Variants in CLNK observed in about 807,000 individuals in gnomAD.
CLNK encodes cytokine-dependent hematopoietic cell linker.
In CLNK, 74 loss-of-function variants were observed where a neutral mutation model predicts 68.6. That is an observed-to-expected ratio of 1.08 (90% CI 0.89 to 1.31). CLNK has a LOEUF of 1.31. Among genes scored for constraint, CLNK ranks in the 50% most tolerant of loss-of-function variants. The probability of loss-of-function intolerance (pLI) is 0.00; values close to 1 mark genes in which losing one functional copy is unlikely to be tolerated. For synonymous variants in CLNK, 198 were observed against 172.2 expected (o/e 1.15, Z -1.17); for missense variants, 553 against 515.3 (o/e 1.07, Z -0.71).
At chr4:10,611,273 A>G (rs1269076254) in intron 2 of CLNK, among the ~76,000 whole-genome samples, 3 of 152,184 alleles carry the variant, frequency 2.0e-5, no homozygotes, top group African/African-American at 4.8e-5. Flanking sequence ...AGCCAAGATC[A>G]CAGTACTGCA....
At chr4:10,511,942 G>A (rs953714460) in intron 16 of CLNK, among the ~76,000 whole-genome samples, 1 of 152,186 alleles carries the variant, frequency 6.6e-6, no homozygotes, top group African/African-American at 2.4e-5. Context: ...AACCAGAGTA[G>A]TGATATAAAG....
chr4:10,679,744 C>T (rs1725018530), intron 1 of CLNK, among the ~76,000 whole-genome samples: 1 of 152,174 alleles, frequency 6.6e-6, no homozygotes, highest in Non-Finnish European at 1.5e-5. Context: ...GACATTTATG[C>T]AGCCAAAAAA....
chr4:10,648,949 C>T (rs1004660715), intron 2 of CLNK, among the ~76,000 whole-genome samples: 1 of 152,080 alleles, frequency 6.6e-6, no homozygotes, highest in Non-Finnish European at 1.5e-5. Flanking sequence ...TAGATTAGCC[C>T]TTGAATCCTT....
chr4:10,549,806 CCA>C (rs1281842332), intron 8 of CLNK, among the ~76,000 whole-genome samples: 1 of 152,226 alleles, frequency 6.6e-6, no homozygotes, highest in East Asian at 1.9e-4. Context: ...TTTCCCATCT[CCA>C]GTTTTCTCTT....
At chr4:10,569,167 A>G (rs1219138916) in intron 5 of CLNK, among the ~76,000 whole-genome samples, 2 of 148,788 alleles carry the variant, frequency 1.3e-5, no homozygotes, top group Non-Finnish European at 3.0e-5. Context: ...CTCCTCCCCA[A>G]GTGAATTGGC....
intron 17 of CLNK, among the ~76,000 whole-genome samples, chr4:10,504,762 A>G (rs1374694490): frequency 6.6e-6 from 1 of 152,240 alleles, no homozygotes; most frequent in Non-Finnish European, 1.5e-5. Flanking sequence ...CTCTGAAACG[A>G]TTTGTCAAAA....
chr4:10,589,046 C>A (rs1291524164), intron 3 of CLNK, among the ~76,000 whole-genome samples: 7 of 152,108 alleles, frequency 4.6e-5, no homozygotes, highest in African/African-American at 1.7e-4. Flanking sequence ...GGTACTATAT[C>A]ATATAATTGA....
chr4:10,639,771 T>C (rs1723236650), intron 2 of CLNK, among the ~76,000 whole-genome samples: 1 of 152,232 alleles, frequency 6.6e-6, no homozygotes, highest in South Asian at 2.1e-4. Flanking sequence ...ACAGTGCAGA[T>C]TTAGAACATT....
chr4:10,719,384 A>G, the CLNK span, among the ~76,000 whole-genome samples: 1 of 152,080 alleles, frequency 6.6e-6, no homozygotes, highest in African/African-American at 2.4e-5. Flanking sequence ...TAATTAATTT[A>G]CAAAGATTAA....
At chr4:10,603,881 C>A (rs533235396) in intron 2 of CLNK, among the ~76,000 whole-genome samples, 1 of 152,270 alleles carries the variant, frequency 6.6e-6, no homozygotes, top group South Asian at 2.1e-4. Flanking sequence ...GATTCTGACT[C>A]TTTTATTTAG....
chr4:10,513,366 G>T, intron 16 of CLNK, 98 bp downstream of exon 16: 1 of 1,173,200 alleles, frequency 8.5e-7, no homozygotes, highest in Non-Finnish European at 1.2e-6. Flanking sequence ...AAAAGTTAAA[G>T]TCAAACATAA....
chr4:10,642,329 T>A (rs530629687), intron 2 of CLNK, among the ~76,000 whole-genome samples: 1 of 152,290 alleles, frequency 6.6e-6, no homozygotes, highest in East Asian at 1.9e-4. Context: ...AGGGAGCTTC[T>A]GATTGAAAGG....
intron 2 of CLNK, among the ~76,000 whole-genome samples, chr4:10,632,065 T>C (rs1359408791): frequency 6.6e-6 from 1 of 152,244 alleles, no homozygotes; most frequent in Admixed American, 6.5e-5. Flanking sequence ...TATCTCTAAT[T>C]GGATGACTGA....
rs1320466752 is a variant in CLNK, at chr4:10,681,584, T to TGTTTAGGA, written c.-43+3076_-43+3083dup. On this transcript the variant is annotated intron_variant, in intron 1 of 18. Transcript: ENST00000226951. ...TAGGATTTTGATTCTCATGCATAAG[T>TGTTTAGGA]GTTTAGGAAGCAGTGTTTCAATTAG... 6.6e-5 allele frequency among the ~76,000 whole-genome samples: 10 copies of TGTTTAGGA among 152,308 alleles called. No individual in the cohort carries two copies. The East Asian group carries it at 1.9e-3, about 29-fold the overall frequency.
chr4:10,528,292 G>A lies in CLNK; in HGVS notation c.631-198C>T, dbSNP rs567953329. ...AATCAAAATTTTGTAATCAATGTGC[G>A]AAGGAACAGACAAGTCCACAGTCGG... On this transcript the variant is annotated intron_variant, in intron 12 of 18. Coordinates refer to ENST00000226951, the MANE Select transcript of CLNK (RefSeq NM_052964.4). Among the ~76,000 whole-genome samples the A allele has an allele frequency of 5.9e-5, 9 of 152,238 alleles. No homozygotes were observed. The South Asian group carries it at 1.5e-3, about 25-fold the overall frequency.
chr4:10,725,723 C>T, the CLNK span, among the ~76,000 whole-genome samples: 36 of 151,834 alleles, frequency 2.4e-4, no homozygotes, highest in Middle Eastern at 3.4e-3. Flanking sequence ...GGCGTGTTGG[C>T]GGGCGCCTGT....
intron 2 of CLNK, among the ~76,000 whole-genome samples, chr4:10,631,827 A>G (rs1417896748): frequency 6.6e-6 from 1 of 152,260 alleles, no homozygotes; most frequent in Admixed American, 6.5e-5. Context: ...TGAAGCTCAC[A>G]CAGGCAAAAG....
At chr4:10,637,985 T>C (rs1723161166) in intron 2 of CLNK, among the ~76,000 whole-genome samples, 1 of 152,106 alleles carries the variant, frequency 6.6e-6, no homozygotes, top group African/African-American at 2.4e-5. Flanking sequence ...ACCAGAAAAT[T>C]AAAGCTGGAG....
intron 11 of CLNK, among the ~76,000 whole-genome samples, chr4:10,533,474 T>G (rs978034215): frequency 3.9e-5 from 6 of 152,002 alleles, no homozygotes; most frequent in Admixed American, 3.9e-4. Context: ...TGATCTAGAG[T>G]TTTAGGAGTC....
Sources: allele counts gnomAD v4.1 joint callset (sites outside exome capture counted in the v4.1 genomes callset), GRCh38; gene constraint gnomAD v4.1.1; transcripts MANE v1.5; gene names NCBI Gene and HGNC (gene_info 2026-07-23, HGNC 2026-07-21).